HPSE2: variants seen among roughly 807,000 people sequenced by gnomAD.
HPSE2 encodes inactive heparanase-2.
HPSE2 carries 38 observed loss-of-function variants against 60.5 expected under a neutral mutation model. The observed-to-expected ratio is 0.63, with a 90% CI of 0.48 to 0.82. The LOEUF is 0.82. HPSE2 is among the 40% of genes least tolerant of loss of function. HPSE2 has a pLI of 0.00. For missense variants in HPSE2, 713 were observed against 740.4 expected, an observed-to-expected ratio of 0.96 and a Z score of 0.43; for synonymous variants, 295 against 293.2, an observed-to-expected ratio of 1.01 and a Z score of -0.06.
Position 98,852,112 on chromosome 10 carries a change from G to GATATATAT in HPSE2, c.611-108057_611-108056insATATATAT, listed in dbSNP as rs140715558. On this transcript the variant is annotated intron_variant, in intron 3 of 11. Transcript: ENST00000370552. ...AGGTTTTGCAAACCTTGTATATTAT[G>GATATATAT]ATGTGTGTGTGTGTGTGTGTGTGTG... is the stretch of plus-strand genomic sequence containing the variant. Among the ~76,000 whole-genome samples, 376 of 82,742 alleles carry GATATATAT rather than the reference G, an allele frequency of 4.5e-3. 3 individuals carry two copies. The highest frequency in any genetic ancestry group is 0.016 in the African/African-American group (297 of 18,954). 54.3% of individuals were successfully genotyped at this position (82,742 alleles called of 152,430 possible).
chr10:98,645,256 G>A (rs552575311), intron 6 of HPSE2, among the ~76,000 whole-genome samples: 28 of 152,320 alleles, frequency 1.8e-4, no homozygotes, highest in South Asian at 6.2e-4. Context: ...TATATACCAC[G>A]TAGCTGGGGA....
chr10:98,860,032 ATATAAG>A (rs1194155875), intron 3 of HPSE2, among the ~76,000 whole-genome samples: 5 of 152,222 alleles, frequency 3.3e-5, no homozygotes, highest in Admixed American at 1.3e-4. Context: ...TATCATAGGT[ATATAAG>A]TATAAGAGAA....
At position 98,638,378 on chromosome 10, in the gene HPSE2, G is replaced by A. The variant is rs1439996272; in HGVS notation, c.1098+3469C>T. On this transcript the variant is annotated intron_variant, in intron 7 of 11. Coordinates refer to ENST00000370552, the MANE Select transcript of HPSE2 (RefSeq NM_021828.5). The stretch of plus-strand genomic sequence containing the variant: ...GAGAAAGGTGTGAACCCGGGAGGCG[G>A]AGCTTGCAGTGAGCTGAGATTGCGC... Among the ~76,000 whole-genome samples the A allele has an allele frequency of 2.7e-5, 4 of 148,780 alleles. No individual in the cohort carries two copies. The East Asian group carries it at 8.2e-4, about 30-fold the overall frequency.
chr10:99,023,114 T>C (rs1178193945), intron 3 of HPSE2, among the ~76,000 whole-genome samples: 1 of 151,988 alleles, frequency 6.6e-6, no homozygotes, highest in African/African-American at 2.4e-5. Context: ...GAGGAGAAAC[T>C]AATGCCCTGA....
Position 98,631,926 on chromosome 10 carries a change from C to T in HPSE2, c.1098+9921G>A, listed in dbSNP as rs571827075. Among the ~76,000 whole-genome samples, 12 of 152,300 alleles carry T rather than the reference C, an allele frequency of 7.9e-5. No individual in the cohort carries two copies. In the South Asian group the frequency reaches 2.3e-3, roughly 29 times the overall value. On this transcript the variant is annotated intron_variant, in intron 7 of 11. Coordinates refer to ENST00000370552, the MANE Select transcript of HPSE2 (RefSeq NM_021828.5). The stretch of plus-strand genomic sequence containing the variant: ...TCATTCAACCCTCACTTCCAGGACA[C>T]CCACCCTAGATTATTAACTGACTGT...
chr10:98,883,450 A>G (rs539480285), intron 3 of HPSE2, among the ~76,000 whole-genome samples: 1 of 152,242 alleles, frequency 6.6e-6, no homozygotes, highest in Non-Finnish European at 1.5e-5. Flanking sequence ...TTATTACAGT[A>G]GTAATAAAGC....
chr10:98,999,194 T>TGTGTGC (rs1352484631), intron 3 of HPSE2, among the ~76,000 whole-genome samples: 2 of 150,086 alleles, frequency 1.3e-5, no homozygotes, highest in African/African-American at 4.9e-5. Context: ...TGTGTGTGTG[T>TGTGTGC]GCATGTGTGT....
chr10:98,533,503 G>GT (rs1379100125), intron 9 of HPSE2, among the ~76,000 whole-genome samples: 8 of 152,222 alleles, frequency 5.3e-5, no homozygotes, highest in Middle Eastern at 3.4e-3. Context: ...TTAAACATAT[G>GT]TTTTTTATAT....
intron 3 of HPSE2, among the ~76,000 whole-genome samples, chr10:99,083,158 G>C (rs1357018265): frequency 6.6e-6 from 1 of 152,166 alleles, no homozygotes; most frequent in South Asian, 2.1e-4. Context: ...CATGTAAAGG[G>C]ATATTACAGC....
chr10:99,226,127 T>A (rs1378249646), intron 2 of HPSE2, among the ~76,000 whole-genome samples: 1 of 152,020 alleles, frequency 6.6e-6, no homozygotes, highest in Non-Finnish European at 1.5e-5. Context: ...CAGGGTGGTC[T>A]CCTTCCTGCC....
intron 3 of HPSE2, among the ~76,000 whole-genome samples, chr10:98,996,000 C>T (rs965542835): frequency 6.6e-6 from 1 of 151,978 alleles, no homozygotes; most frequent in African/African-American, 2.4e-5. Flanking sequence ...ATAAAATCTA[C>T]AGATTAGTTA....
At chr10:98,967,926 G>T (rs1333693552) in intron 3 of HPSE2, among the ~76,000 whole-genome samples, 2 of 151,998 alleles carry the variant, frequency 1.3e-5, no homozygotes, top group South Asian at 2.1e-4. Context: ...AGGCCCTGGG[G>T]AATACTAGAA....
intron 9 of HPSE2, among the ~76,000 whole-genome samples, chr10:98,544,254 C>G (rs1385873000): frequency 6.6e-6 from 1 of 152,138 alleles, no homozygotes; most frequent in Non-Finnish European, 1.5e-5. Flanking sequence ...GAAATGAAGG[C>G]AGAAATAAAG....
chr10:98,859,747 A>G lies in HPSE2; in HGVS notation c.611-115691T>C, dbSNP rs371396369. 4.6e-5 allele frequency among the ~76,000 whole-genome samples: 7 copies of G among 152,186 alleles called. No homozygotes were observed. In the East Asian group the frequency reaches 5.8e-4, roughly 13 times the overall value. ...AGTATACCACCAGCTTACATAAAGC[A>G]TATTGTGGGACTTCTCAGTCTCCAT... On this transcript the variant is annotated intron_variant, in intron 3 of 11. Coordinates refer to ENST00000370552, the MANE Select transcript of HPSE2 (RefSeq NM_021828.5).
intron 6 of HPSE2, among the ~76,000 whole-genome samples, chr10:98,664,033 G>A (rs1375610990): frequency 2.0e-5 from 3 of 152,098 alleles, no homozygotes; most frequent in African/African-American, 4.8e-5. Context: ...AGTGGGACTC[G>A]CTGGCTCGGG....
the HPSE2 span, among the ~76,000 whole-genome samples, chr10:99,296,200 A>C: frequency 3.9e-5 from 6 of 152,238 alleles, no homozygotes; most frequent in African/African-American, 9.6e-5. Flanking sequence ...AGGATGCAGT[A>C]GTCTGAAGCA....
At chr10:98,849,248 CAT>C (rs1192191252) in intron 3 of HPSE2, among the ~76,000 whole-genome samples, 5 of 152,114 alleles carry the variant, frequency 3.3e-5, no homozygotes, top group Admixed American at 1.3e-4. Flanking sequence ...TAACTTTCAC[CAT>C]AGTCTGTGTA....
chr10:98,624,593 T>C (rs1946157442), intron 7 of HPSE2, among the ~76,000 whole-genome samples: 1 of 152,188 alleles, frequency 6.6e-6, no homozygotes, highest in South Asian at 2.1e-4. Context: ...TGCTATGAGA[T>C]CATATATACA....
chr10:99,220,419 T>C lies in HPSE2; in HGVS notation c.448+11929A>G, dbSNP rs1454734986. Among the ~76,000 whole-genome samples the C allele has an allele frequency of 2.6e-5, 4 of 152,358 alleles. No homozygotes were observed. The South Asian group carries it at 8.3e-4, about 32-fold the overall frequency. On this transcript the variant is annotated intron_variant, in intron 2 of 11. Coordinates refer to ENST00000370552, the MANE Select transcript of HPSE2 (RefSeq NM_021828.5). ...TTATAACAATGTGATTCTATCTATA[T>C]ACTTTAAAATGTATATACTTCTGTA...
Sources: gnomAD v4.1 joint callset for allele counts (sites outside exome capture counted in the v4.1 genomes callset) on GRCh38, gnomAD v4.1.1 for gene constraint, MANE v1.5 for transcripts, NCBI Gene and HGNC (gene_info 2026-07-23, HGNC 2026-07-21) for gene names.